Variants in AP2B1 observed in about 807,000 individuals in gnomAD.
AP2B1 encodes adaptor related protein complex 2 subunit beta 1.
A neutral mutation model predicts 102.0 loss-of-function variants in AP2B1; 23 were observed. That is an observed-to-expected ratio of 0.23 (90% CI 0.16 to 0.32). The LOEUF (loss-of-function observed/expected upper bound fraction) is 0.32. AP2B1 is among the 10% of genes least tolerant of loss of function. The pLI, the probability that AP2B1 is intolerant of heterozygous loss-of-function variation, is 1.00. For missense variants in AP2B1, 541 were observed against 1,157.4 expected (o/e 0.47, Z 7.73); for synonymous variants, 381 against 421.2 (o/e 0.90, Z 1.17).
chr17:35,701,107 T>C (rs1301899688), intron 18 of AP2B1, among the ~76,000 whole-genome samples: 1 of 152,230 alleles, frequency 6.6e-6, no homozygotes, highest in Non-Finnish European at 1.5e-5. Context: ...TTAGTGTGTG[T>C]GTATTGTGGC....
At chr17:35,718,982 C>T (rs782559536) in intron 21 of AP2B1, among the ~76,000 whole-genome samples, 33 of 152,018 alleles carry the variant, frequency 2.2e-4, no homozygotes, top group Non-Finnish European at 1.5e-4. Context: ...TCTTCTTACA[C>T]AATATTCTTG....
chr17:35,677,443 A>G (rs1238974855), intron 17 of AP2B1, among the ~76,000 whole-genome samples: 1 of 152,098 alleles, frequency 6.6e-6, no homozygotes, highest in Non-Finnish European at 1.5e-5. Flanking sequence ...TCCTACATTT[A>G]GTTTTATAAT....
chr17:35,653,157 C>A (rs2075131586), intron 13 of AP2B1, among the ~76,000 whole-genome samples: 1 of 152,198 alleles, frequency 6.6e-6, no homozygotes, highest in South Asian at 2.1e-4. Context: ...AAATTACCCA[C>A]TGACCACTAA....
At chr17:35,677,155 A>G (rs1260990856) in intron 17 of AP2B1, among the ~76,000 whole-genome samples, 1 of 152,052 alleles carries the variant, frequency 6.6e-6, no homozygotes, top group Non-Finnish European at 1.5e-5. Flanking sequence ...ACACCCAGCT[A>G]ATTTTTTTAT....
At chr17:35,598,537 G>A (rs570313222) in intron 3 of AP2B1, among the ~76,000 whole-genome samples, 4 of 152,306 alleles carry the variant, frequency 2.6e-5, no homozygotes, top group South Asian at 2.1e-4. Context: ...GGGTGTGTGT[G>A]TGTTTGTGTT....
At chr17:35,662,246 ATTC>A (rs2075372422) in intron 14 of AP2B1, among the ~76,000 whole-genome samples, 1 of 152,182 alleles carries the variant, frequency 6.6e-6, no homozygotes, top group Non-Finnish European at 1.5e-5. Context: ...ATTTCTACCT[ATTC>A]TTTTTAGTCT....
intron 17 of AP2B1, among the ~76,000 whole-genome samples, chr17:35,677,506 CT>C (rs1321616034): frequency 1.3e-5 from 2 of 152,034 alleles, no homozygotes; most frequent in East Asian, 3.9e-4. Flanking sequence ...AATGTAAAAA[CT>C]TTTTCCGTAA....
chr17:35,660,290 G>T lies in AP2B1; in HGVS notation c.1989+2499G>T, dbSNP rs115079587. On this transcript the variant is annotated intron_variant, in intron 14 of 21. Coordinates refer to ENST00000610402, the MANE Select transcript of AP2B1 (RefSeq NM_001030006.2). ...GAGCCAGCACACTGAGCCTGCAAGA[G>T]ATGATTTAGTTGGTCTGGAGTGAGA... Among the ~76,000 whole-genome samples, 1,286 of 152,122 alleles carry T rather than the reference G, an allele frequency of 8.5e-3. 10 individuals are homozygous for T. The highest frequency in any genetic ancestry group is 0.026 in the African/African-American group (1,066 of 41,494).
chr17:35,681,892 A>T (rs745472005), intron 17 of AP2B1, among the ~76,000 whole-genome samples: 15 of 152,204 alleles, frequency 9.9e-5, no homozygotes, highest in Non-Finnish European at 1.9e-4. Context: ...TTAATGGAAA[A>T]CAGAAAATTA....
intron 14 of AP2B1, among the ~76,000 whole-genome samples, chr17:35,660,670 G>A (rs921643848): frequency 4.0e-5 from 6 of 151,810 alleles, no homozygotes; most frequent in African/African-American, 1.5e-4. Flanking sequence ...TTTTAGTAGA[G>A]ACGGAGCTTT....
chr17:35,639,453 C>A, intron 10 of AP2B1, 142 bp from the exon 11 acceptor site: 1 of 592,318 alleles, frequency 1.7e-6, no homozygotes, highest in Non-Finnish European at 2.8e-6. Flanking sequence ...GACTTAAAAC[C>A]TATTCATTCT....
At chr17:35,633,999 T>C (rs1207450050) in intron 9 of AP2B1, among the ~76,000 whole-genome samples, 1 of 152,042 alleles carries the variant, frequency 6.6e-6, no homozygotes. Context: ...ATAAAAAAAT[T>C]AGCCGGGCAT....
intron 14 of AP2B1, chr17:35,659,708 C>T (rs2075315425): frequency 1.3e-6 from 1 of 748,590 alleles, no homozygotes; most frequent in African/African-American, 1.9e-5. Context: ...TTATGTAACT[C>T]TAAATTTTAA....
At chr17:35,662,189 A>G (rs2075371259) in intron 14 of AP2B1, among the ~76,000 whole-genome samples, 1 of 152,240 alleles carries the variant, frequency 6.6e-6, no homozygotes, top group African/African-American at 2.4e-5. Context: ...GAAAGCAGAC[A>G]TCTTTGAATG....
intron 21 of AP2B1, among the ~76,000 whole-genome samples, chr17:35,718,307 A>G (rs587694972): frequency 7.2e-6 from 1 of 139,036 alleles, no homozygotes; most frequent in East Asian, 2.2e-4. Flanking sequence ...AGTAAGTTGG[A>G]GTAGCTGTGT....
intron 5 of AP2B1, among the ~76,000 whole-genome samples, chr17:35,623,415 T>A (rs2074237057): frequency 6.6e-6 from 1 of 152,058 alleles, no homozygotes; most frequent in Non-Finnish European, 1.5e-5. Context: ...AATACAAAAA[T>A]TAGCTGGGCA....
chr17:35,612,046 C>T (rs1038906744), intron 5 of AP2B1, among the ~76,000 whole-genome samples: 2 of 152,130 alleles, frequency 1.3e-5, no homozygotes, highest in Non-Finnish European at 2.9e-5. Context: ...TTCAGGAATA[C>T]CTCATATTTT....
intron 14 of AP2B1, among the ~76,000 whole-genome samples, chr17:35,665,643 G>C (rs2075449743): frequency 1.3e-5 from 2 of 152,196 alleles, no homozygotes; most frequent in African/African-American, 4.8e-5. Flanking sequence ...GTTGACTCCT[G>C]AATAATAGAG....
chr17:35,598,393 C>A, intron 3 of AP2B1, 58 bp downstream of exon 3: 3 of 1,019,646 alleles, frequency 2.9e-6, no homozygotes, highest in Admixed American at 2.4e-5. Flanking sequence ...CATCTTATGG[C>A]CTTTACTGCT....
Sources: gnomAD v4.1 joint callset for allele counts (sites outside exome capture counted in the v4.1 genomes callset) on GRCh38, gnomAD v4.1.1 for gene constraint, MANE v1.5 for transcripts, NCBI Gene and HGNC (gene_info 2026-07-23, HGNC 2026-07-21) for gene names.